Variants in NFIB observed in about 807,000 individuals in gnomAD.
The protein encoded by NFIB is nuclear factor I B, also known as nuclear factor 1 B-type.
A neutral mutation model predicts 61.5 loss-of-function variants in NFIB; 11 were observed. The observed-to-expected ratio is 0.18, with a 90% confidence interval of 0.11 to 0.30. NFIB has a LOEUF of 0.30. Among genes scored for constraint, NFIB ranks in the 10% least tolerant of loss-of-function variants. The probability of loss-of-function intolerance (pLI) is 1.00; values close to 1 mark genes in which losing one functional copy is unlikely to be tolerated. For synonymous variants in NFIB, 260 were observed against 216.5 expected (o/e 1.20, Z -1.76); for missense variants, 471 against 608.9 (o/e 0.77, Z 2.38).
intron 8 of NFIB, among the ~76,000 whole-genome samples, chr9:14,119,884 C>T (rs1272850521): frequency 3.9e-5 from 6 of 152,048 alleles, no homozygotes; most frequent in Admixed American, 1.3e-4. Context: ...AACCACTGCA[C>T]AATGTTTCCA....
intron 2 of NFIB, among the ~76,000 whole-genome samples, chr9:14,294,980 C>G (rs1249674349): frequency 6.6e-6 from 1 of 152,192 alleles, no homozygotes; most frequent in Admixed American, 6.5e-5. Context: ...CCAACCAGAG[C>G]TACTGAAGTC....
chr9:14,125,035 T>C (rs2039448897), intron 7 of NFIB, among the ~76,000 whole-genome samples: 1 of 152,212 alleles, frequency 6.6e-6, no homozygotes, highest in African/African-American at 2.4e-5. Context: ...GGACTAATCC[T>C]GAAGCTATAA....
intron 2 of NFIB, among the ~76,000 whole-genome samples, chr9:14,220,989 G>A (rs914086276): frequency 5.9e-5 from 9 of 151,546 alleles, no homozygotes; most frequent in South Asian, 2.1e-4. Flanking sequence ...TCCCTCACCC[G>A]AAAAGTCTGA....
intron 2 of NFIB, among the ~76,000 whole-genome samples, chr9:14,191,987 A>G (rs75934768): frequency 0.025 from 3,836 of 152,284 alleles, 136 homozygotes; most frequent in African/African-American, 0.08. Context: ...CAAGTTCTAG[A>G]TAGTGCTTGG....
the NFIB span, among the ~76,000 whole-genome samples, chr9:14,425,254 G>A: frequency 4.6e-5 from 7 of 152,164 alleles, no homozygotes; most frequent in Non-Finnish European, 1.0e-4. Context: ...GATTCTTAGT[G>A]TCACACAGAA....
intron 2 of NFIB, among the ~76,000 whole-genome samples, chr9:14,207,545 G>GA (rs1490947828): frequency 6.6e-6 from 1 of 152,176 alleles, no homozygotes; most frequent in Non-Finnish European, 1.5e-5. Flanking sequence ...CAGGCAAAGG[G>GA]CCAGCTCGGC....
intron 2 of NFIB, among the ~76,000 whole-genome samples, chr9:14,197,899 A>G (rs1307589599): frequency 6.6e-6 from 1 of 152,246 alleles, no homozygotes; most frequent in Non-Finnish European, 1.5e-5. Context: ...GAAAGACAGC[A>G]TATCTCGAGG....
intron 1 of NFIB, among the ~76,000 whole-genome samples, chr9:14,360,894 T>G (rs1241631762): frequency 6.6e-6 from 1 of 152,136 alleles, no homozygotes; most frequent in African/African-American, 2.4e-5. Flanking sequence ...TTTGGTTAAT[T>G]TTGTACCTTT....
chr9:14,439,477 G>A, the NFIB span, among the ~76,000 whole-genome samples: 3 of 152,244 alleles, frequency 2.0e-5, no homozygotes, highest in Non-Finnish European at 2.9e-5. Context: ...TAGGGCTATT[G>A]TGAGGATTGA....
intron 10 of NFIB, among the ~76,000 whole-genome samples, chr9:14,090,270 G>C (rs372751289): frequency 6.6e-6 from 1 of 152,158 alleles, no homozygotes; most frequent in African/African-American, 2.4e-5. Flanking sequence ...ATGAAAAATC[G>C]TAACTCTTAA....
At chr9:14,320,586 G>A (rs1195588946) in intron 1 of NFIB, among the ~76,000 whole-genome samples, 2 of 152,154 alleles carry the variant, frequency 1.3e-5, no homozygotes, top group African/African-American at 4.8e-5. Flanking sequence ...GATGCTTAAA[G>A]GTCAGTTTCT....
intron 2 of NFIB, among the ~76,000 whole-genome samples, chr9:14,185,996 G>A (rs2047296980): frequency 6.6e-6 from 1 of 152,184 alleles, no homozygotes; most frequent in African/African-American, 2.4e-5. Context: ...GACCTTTATA[G>A]ATAAACTTTC....
chr9:14,300,262 C>T (rs926536305), intron 2 of NFIB: 3 of 398,236 alleles, frequency 7.5e-6, no homozygotes, highest in Admixed American at 8.8e-5. Context: ...GGCATGCAGC[C>T]GTAATAACTC....
chr9:14,447,695 T>C, the NFIB span, among the ~76,000 whole-genome samples: 1 of 152,178 alleles, frequency 6.6e-6, no homozygotes, highest in Non-Finnish European at 1.5e-5. Context: ...TTCACTTTTA[T>C]TCTGAGAGTA....
the NFIB span, among the ~76,000 whole-genome samples, chr9:14,432,965 T>C: frequency 6.6e-6 from 1 of 152,212 alleles, no homozygotes; most frequent in South Asian, 2.1e-4. Context: ...TTTGTGCACA[T>C]ATTTTTATTT....
chr9:14,168,551 T>C (rs2045195871), intron 3 of NFIB, among the ~76,000 whole-genome samples: 1 of 152,188 alleles, frequency 6.6e-6, no homozygotes, highest in African/African-American at 2.4e-5. Context: ...GGTCATATTG[T>C]ATGTCATGCT....
intron 1 of NFIB, among the ~76,000 whole-genome samples, chr9:14,329,173 A>G (rs1023521230): frequency 6.6e-6 from 1 of 152,200 alleles, no homozygotes. Context: ...TATAGATGAA[A>G]AACAAAGTTC....
chr9:14,270,325 T>C (rs1381579913), intron 2 of NFIB, among the ~76,000 whole-genome samples: 1 of 152,130 alleles, frequency 6.6e-6, no homozygotes, highest in Non-Finnish European at 1.5e-5. Context: ...GAAGCTTTTA[T>C]ACTGCTTGTG....
the NFIB span, among the ~76,000 whole-genome samples, chr9:14,495,298 G>A: frequency 6.6e-6 from 1 of 152,268 alleles, no homozygotes; most frequent in Admixed American, 6.5e-5. Flanking sequence ...GTCCAGGAGA[G>A]CAGGCTGAGG....
Sources: gnomAD v4.1 joint callset for allele counts (sites outside exome capture counted in the v4.1 genomes callset) on GRCh38, gnomAD v4.1.1 for gene constraint, MANE v1.5 for transcripts, NCBI Gene and HGNC (gene_info 2026-07-23, HGNC 2026-07-21) for gene names.